ADAMTSL1: variants seen among roughly 807,000 people sequenced by gnomAD.
ADAMTSL1 encodes ADAMTS-like protein 1.
In ADAMTSL1, 126 loss-of-function variants were observed where a neutral mutation model predicts 201.8. That is an observed-to-expected ratio of 0.62 (90% CI 0.54 to 0.72). The LOEUF is 0.72. Ranked by LOEUF, ADAMTSL1 falls within the 30% of genes least tolerant of loss-of-function variation. The pLI, the probability that ADAMTSL1 is intolerant of heterozygous loss-of-function variation, is 0.00. For missense variants in ADAMTSL1, 2,679 were observed against 2,277.8 expected (o/e 1.18, Z -3.59); for synonymous variants, 1,121 against 903.4 (o/e 1.24, Z -4.32).
chr9:18,102,383 A>T lies in ADAMTSL1; in HGVS notation c.88-61479A>T, dbSNP rs145946634. 7.0e-3 allele frequency among the ~76,000 whole-genome samples: 1,072 copies of T among 152,332 alleles called. 17 individuals are homozygous for T. The highest frequency in any genetic ancestry group is 0.045 in the South Asian group (219 of 4,832). ...TATTTATCCAATGCCTGAGAAACAG[A>T]CATGGTATTTTTCTTGTATGTCAAG... is the stretch of plus-strand genomic sequence containing the variant. On this transcript the variant is annotated intron_variant, in intron 1 of 29. Transcript: ENST00000680146.
At chr9:17,929,093 TA>T (rs748825618) in intron 1 of ADAMTSL1, among the ~76,000 whole-genome samples, 9 of 152,148 alleles carry the variant, frequency 5.9e-5, no homozygotes, top group Non-Finnish European at 1.3e-4. Flanking sequence ...ACCATAATTT[TA>T]AAACGATGAA....
intron 2 of ADAMTSL1, among the ~76,000 whole-genome samples, chr9:18,232,718 C>T (rs937046731): frequency 6.6e-6 from 1 of 152,064 alleles, no homozygotes; most frequent in African/African-American, 2.4e-5. Flanking sequence ...AATTTGTACA[C>T]CAAACTTGTC....
In ADAMTSL1 at chr9:18,838,702, G is replaced by A. The variant is rs182468787; in HGVS notation, c.4249+8725G>A. Among the ~76,000 whole-genome samples, 522 of 151,682 alleles carry A rather than the reference G, an allele frequency of 3.4e-3. 4 individuals carry two copies. Among genetic ancestry groups the A allele is most frequent in the African/African-American group, 0.012 (502 of 41,348 alleles). ...AAATATAACTAGGCATGGTGGTGCAGGCCTGTAGTCCAAGCTGCTTGGGAG... is the reference window on the plus strand; with the variant it reads ...AAATATAACTAGGCATGGTGGTGCAAGCCTGTAGTCCAAGCTGCTTGGGAG... On this transcript the variant is annotated intron_variant, in intron 23 of 28. Coordinates refer to ENST00000380548, the MANE Select transcript of ADAMTSL1 (RefSeq NM_001040272.6).
At chr9:18,547,077 C>G (rs1399181927) in intron 3 of ADAMTSL1, among the ~76,000 whole-genome samples, 1 of 152,072 alleles carries the variant, frequency 6.6e-6, no homozygotes, top group African/African-American at 2.4e-5. Context: ...TTTCTTATTA[C>G]CATTTAATTT....
At chr9:18,898,058 G>A (rs566636052) in intron 26 of ADAMTSL1, among the ~76,000 whole-genome samples, 11 of 152,064 alleles carry the variant, frequency 7.2e-5, no homozygotes, top group African/African-American at 2.2e-4. Flanking sequence ...GCATTGTGGC[G>A]GGCACCTGTA....
chr9:17,966,196 C>G (rs1817972230), intron 1 of ADAMTSL1, among the ~76,000 whole-genome samples: 1 of 152,078 alleles, frequency 6.6e-6, no homozygotes. Flanking sequence ...AGGCACAGTT[C>G]TTGCTTTAAG....
At chr9:18,641,701 A>T (rs189390504) in intron 7 of ADAMTSL1, among the ~76,000 whole-genome samples, 1 of 152,144 alleles carries the variant, frequency 6.6e-6, no homozygotes, top group African/African-American at 2.4e-5. Context: ...TACAGAAAAA[A>T]AGAAGAAAAT....
At chr9:18,737,406 T>A (rs1011675161) in intron 15 of ADAMTSL1, among the ~76,000 whole-genome samples, 7 of 149,494 alleles carry the variant, frequency 4.7e-5, no homozygotes, top group Admixed American at 4.0e-4. Flanking sequence ...TATGGATGGA[T>A]CATATCACTT....
At chr9:18,066,014 A>AAAAG (rs1822683090) in intron 1 of ADAMTSL1, among the ~76,000 whole-genome samples, 2 of 135,064 alleles carry the variant, frequency 1.5e-5, no homozygotes, top group Non-Finnish European at 1.6e-5. Context: ...AAAAAAAAAA[A>AAAAG]GAATGGCACC....
intron 4 of ADAMTSL1, among the ~76,000 whole-genome samples, chr9:18,583,954 C>T (rs1464823989): frequency 6.6e-6 from 1 of 152,176 alleles, no homozygotes; most frequent in Admixed American, 6.5e-5. Flanking sequence ...TTTACAGGCT[C>T]ATAGGCGGAA....
intron 23 of ADAMTSL1, among the ~76,000 whole-genome samples, chr9:18,834,909 AC>A (rs1406568535): frequency 2.0e-5 from 3 of 152,214 alleles, no homozygotes; most frequent in Non-Finnish European, 4.4e-5. Context: ...TCTGGTTATT[AC>A]AAATCTGCTG....
chr9:18,470,954 GT>G (rs1821185012), upstream of ADAMTSL1, among the ~76,000 whole-genome samples: 1 of 152,190 alleles, frequency 6.6e-6, no homozygotes, highest in African/African-American at 2.4e-5. Context: ...CTTGCAGACG[GT>G]TTTAATTTAG....
At chr9:18,085,176 C>T (rs1391435529) in intron 1 of ADAMTSL1, among the ~76,000 whole-genome samples, 1 of 150,716 alleles carries the variant, frequency 6.6e-6, no homozygotes, top group Non-Finnish European at 1.5e-5. Flanking sequence ...TACACAGGAC[C>T]TCATAGACTG....
intron 1 of ADAMTSL1, among the ~76,000 whole-genome samples, chr9:17,948,880 T>C (rs144843095): frequency 7.7e-4 from 117 of 152,358 alleles, no homozygotes; most frequent in African/African-American, 2.7e-3. Flanking sequence ...CATGTGATTG[T>C]GCTAATTATC....
At chr9:18,717,885 G>A in intron 14 of ADAMTSL1, 1 of 883,798 alleles carries the variant, frequency 1.1e-6, no homozygotes, top group Admixed American at 1.8e-5. Flanking sequence ...TAAGATGCTG[G>A]TAGGTTTAAC....
chr9:18,228,795 C>T lies in ADAMTSL1; in HGVS notation c.207+64814C>T, dbSNP rs140448027. 1.6e-3 allele frequency among the ~76,000 whole-genome samples: 234 copies of T among 150,294 alleles called. 2 individuals are homozygous for T. The highest frequency in any genetic ancestry group is 5.5e-3 in the African/African-American group (224 of 40,996). On this transcript the variant is annotated intron_variant, in intron 2 of 29. Coordinates refer to the ADAMTSL1 transcript ENST00000680146. ...TTAATTTCCTGAAACGTGTGTGATACTTATTTTACAGATGAGAATGCTGTG... is the reference window on the plus strand; with the variant it reads ...TTAATTTCCTGAAACGTGTGTGATATTTATTTTACAGATGAGAATGCTGTG...
chr9:18,787,208 T>A (rs1288521216), intron 19 of ADAMTSL1, among the ~76,000 whole-genome samples: 2 of 152,136 alleles, frequency 1.3e-5, no homozygotes, highest in Non-Finnish European at 2.9e-5. Context: ...AGATGACAAA[T>A]GTTTTTCCCA....
At chr9:18,713,511 C>T (rs1289349742) in intron 14 of ADAMTSL1, among the ~76,000 whole-genome samples, 2 of 152,022 alleles carry the variant, frequency 1.3e-5, no homozygotes, top group Non-Finnish European at 2.9e-5. Flanking sequence ...AAGGCCATTA[C>T]ATAATAGTAA....
chr9:18,575,671 C>G (rs573183674), intron 4 of ADAMTSL1, among the ~76,000 whole-genome samples: 15 of 152,108 alleles, frequency 9.9e-5, no homozygotes, highest in African/African-American at 3.6e-4. Context: ...TAATAACTCC[C>G]TATGTATGTA....
Sources: allele counts gnomAD v4.1 joint callset (sites outside exome capture counted in the v4.1 genomes callset), GRCh38; gene constraint gnomAD v4.1.1; transcripts MANE v1.5; gene names NCBI Gene and HGNC (gene_info 2026-07-23, HGNC 2026-07-21).